KREMEN1: variants seen among roughly 807,000 people sequenced by gnomAD.
KREMEN1 encodes kringle containing transmembrane protein 1, also known as kremen protein 1.
A neutral mutation model predicts 46.5 loss-of-function variants in KREMEN1; 30 were observed. The ratio of observed to expected loss-of-function variants is 0.65; its 90% confidence interval spans 0.48 to 0.88. KREMEN1 has a LOEUF of 0.88. KREMEN1 is among the 40% of genes least tolerant of loss of function. The pLI is 0.00. For synonymous variants in KREMEN1, 214 were observed against 230.6 expected (o/e 0.93, Z 0.65); for missense variants, 533 against 596.9 (o/e 0.89, Z 1.11).
rs2038126656 is a variant in KREMEN1 at position 29,110,285 on chromosome 22, G to A, written c.353-11072G>A. ...AGCAGGGTATTCAGACTTCTTATAC[G>A]GTGGCTGGCTTCCAAGAGAGAAGCA... On this transcript the variant is annotated intron_variant, in intron 3 of 8. Coordinates refer to ENST00000400335, the MANE Select transcript of KREMEN1 (RefSeq NM_001039570.3). 2.0e-5 allele frequency among the ~76,000 whole-genome samples: 3 copies of A among 152,118 alleles called. No homozygotes were observed. In the South Asian group the frequency reaches 6.2e-4, roughly 32 times the overall value.
intron 5 of KREMEN1, among the ~76,000 whole-genome samples, chr22:29,132,725 C>T (rs2038581641): frequency 2.0e-5 from 3 of 152,312 alleles, no homozygotes; most frequent in South Asian, 2.1e-4. Context: ...TACAGGTTGA[C>T]TGTCAATAGC....
chr22:29,115,072 T>G (rs1325110692), intron 3 of KREMEN1, among the ~76,000 whole-genome samples: 1 of 152,232 alleles, frequency 6.6e-6, no homozygotes, highest in Admixed American at 6.5e-5. Flanking sequence ...CCACTTTCAC[T>G]CTACCTTATT....
At chr22:29,138,346 GC>G (rs1218828893) in intron 6 of KREMEN1, among the ~76,000 whole-genome samples, 1 of 152,236 alleles carries the variant, frequency 6.6e-6, no homozygotes, top group African/African-American at 2.4e-5. Flanking sequence ...GGGAGCCATA[GC>G]TGCCAAGTAC....
downstream of KREMEN1, chr22:29,146,838 G>A (rs1170693369): frequency 3.1e-6 from 3 of 959,798 alleles, no homozygotes; most frequent in Non-Finnish European, 3.7e-6. Context: ...GCCCTATGCT[G>A]TCATTTCTAT....
At chr22:29,125,504 G>GTATT in intron 5 of KREMEN1, 88 bp downstream of exon 5, 1 of 1,311,016 alleles carries the variant, frequency 7.6e-7, no homozygotes, top group Non-Finnish European at 1.0e-6. Context: ...TCCCTTCTAT[G>GTATT]TATTCATTCA....
chr22:29,161,312 C>A (rs1288679220), intron 9 of KREMEN1, among the ~76,000 whole-genome samples: 2 of 151,544 alleles, frequency 1.3e-5, no homozygotes, highest in Admixed American at 6.6e-5. Flanking sequence ...TCGAGACCAT[C>A]CTGGCTAACA....
At chr22:29,135,666 C>T (rs1172282436) in intron 5 of KREMEN1, among the ~76,000 whole-genome samples, 1 of 152,202 alleles carries the variant, frequency 6.6e-6, no homozygotes, top group Non-Finnish European at 1.5e-5. Context: ...CCCGTTGTGT[C>T]TGGGACTCCC....
At chr22:29,098,171 T>C (rs1287506856) in intron 2 of KREMEN1, among the ~76,000 whole-genome samples, 1 of 149,968 alleles carries the variant, frequency 6.7e-6, no homozygotes, top group Non-Finnish European at 1.5e-5. Context: ...GGGTGACAGA[T>C]TGAGAGTTTG....
At chr22:29,125,461 T>C (rs755703596) in intron 5 of KREMEN1, 45 bp downstream of exon 5, 7 of 1,600,582 alleles carry the variant, frequency 4.4e-6, no homozygotes, top group Middle Eastern at 3.4e-4. Flanking sequence ...ACAGGAACCC[T>C]TGGACCAGAG....
At chr22:29,149,439 G>T (rs1449923892), downstream of KREMEN1, among the ~76,000 whole-genome samples, 1 of 152,114 alleles carries the variant, frequency 6.6e-6, no homozygotes, top group Non-Finnish European at 1.5e-5. Flanking sequence ...GGTATTACAG[G>T]CGTGAGCCAC....
At position 29,137,691 on chromosome 22, in the gene KREMEN1, T is replaced by A; in HGVS notation, c.964+17T>A. On this transcript the variant is annotated intron_variant, in intron 6 of 8. Coordinates refer to ENST00000400335, the MANE Select transcript of KREMEN1 (RefSeq NM_001039570.3). ...TATACCAAGGTAAGACATCTTTGCC[T>A]CCTTGGGGGTTCTTCAGGGCCCACG... The A allele has an allele frequency of 6.4e-7, 1 of 1,563,332 alleles. No individual in the cohort carries two copies. The highest frequency in any genetic ancestry group is 8.7e-7 in the Non-Finnish European group (1 of 1,143,114).
chr22:29,131,499 G>A, intron 5 of KREMEN1, among the ~76,000 whole-genome samples: 1 of 131,542 alleles, frequency 7.6e-6, no homozygotes. Flanking sequence ...CAACTCCTCA[G>A]CAACAACTGA....
intron 1 of KREMEN1, among the ~76,000 whole-genome samples, chr22:29,083,433 A>AT (rs1332494592): frequency 1.3e-5 from 2 of 152,122 alleles, no homozygotes; most frequent in Non-Finnish European, 2.9e-5. Context: ...GTTAATGGAC[A>AT]TTTTTTTCTC....
At chr22:29,134,222 ATC>A (rs2038620163) in intron 5 of KREMEN1, 1 of 151,774 alleles carries the variant, frequency 6.6e-6, no homozygotes. Context: ...CAATGGTGCA[ATC>A]ATAGCTCTCT....
At chr22:29,090,587 T>C (rs1016256268) in intron 1 of KREMEN1, among the ~76,000 whole-genome samples, 1 of 152,102 alleles carries the variant, frequency 6.6e-6, no homozygotes, top group Non-Finnish European at 1.5e-5. Flanking sequence ...TGATTCAAAA[T>C]AGAATGACCA....
At chr22:29,147,277 C>T (rs2145864240), downstream of KREMEN1, among the ~76,000 whole-genome samples, 1 of 152,356 alleles carries the variant, frequency 6.6e-6, no homozygotes, top group East Asian at 1.9e-4. Context: ...CCTTGCCTCT[C>T]AGAGCAACCA....
intron 1 of KREMEN1, among the ~76,000 whole-genome samples, chr22:29,090,027 T>C (rs1444784826): frequency 6.6e-6 from 1 of 152,248 alleles, no homozygotes; most frequent in Non-Finnish European, 1.5e-5. Context: ...TTCATTTTGA[T>C]CAGTTTATTA....
Position 29,137,600 on chromosome 22 carries a change from C to T in KREMEN1, c.890C>T (p.Ser297Phe). The T allele has an allele frequency of 3.7e-6, 6 of 1,613,144 alleles. No homozygotes were observed. Among genetic ancestry groups the T allele is most frequent in the Non-Finnish European group, 4.2e-6 (5 of 1,179,138 alleles). Residue 297 changes from serine to phenylalanine, a missense_variant, in exon 6 of 9, where the codon TCT (serine) becomes TTT (phenylalanine). Physicochemically the swap from Ser to Phe is radical, Grantham distance 155 (BLOSUM62 -2). Coordinates refer to ENST00000400335, the MANE Select transcript of KREMEN1 (RefSeq NM_001039570.3). ...CGCCCACCTCTGTCCTTCAACGTCT[C>T]TCTGGACTTCGTCATCTTGTATTTC... ...RSRPPLSFNV[S>F]LDFVILYFFS... is the part of the protein sequence containing the mutation.
intron 1 of KREMEN1, among the ~76,000 whole-genome samples, chr22:29,088,476 A>C (rs940452608): frequency 1.3e-5 from 2 of 152,066 alleles, no homozygotes; most frequent in Admixed American, 6.6e-5. Context: ...CCACAAGCAC[A>C]CACCACCACG....
Sources: gnomAD v4.1 joint callset for allele counts (sites outside exome capture counted in the v4.1 genomes callset) on GRCh38, gnomAD v4.1.1 for gene constraint, MANE v1.5 for transcripts, NCBI Gene and HGNC (gene_info 2026-07-23, HGNC 2026-07-21) for gene names.